The following UBAP1L variants were observed in gnomAD, a reference collection of about 807,000 sequenced individuals.
UBAP1L encodes the protein ubiquitin associated protein 1 like.
Under a neutral mutation model 32.1 loss-of-function variants are expected in UBAP1L, and 32 were observed. The ratio of observed to expected loss-of-function variants is 1.00; its 90% CI spans 0.75 to 1.34. The LOEUF is 1.34. Ranked by LOEUF, UBAP1L falls within the 40% of genes most tolerant of loss-of-function variation. The pLI, the probability that UBAP1L is intolerant of heterozygous loss-of-function variation, is 0.00. For missense variants in UBAP1L, 516 were observed against 540.5 expected (o/e 0.95, Z 0.45); for synonymous variants, 243 against 250.2 (o/e 0.97, Z 0.27).
intron 4 of UBAP1L, chr15:65,097,895 C>A (rs969844681): frequency 6.6e-6 from 1 of 152,228 alleles, no homozygotes; most frequent in African/African-American, 2.4e-5. Context: ...CGCAGGGACC[C>A]AACATTCAGT....
chr15:65,095,797 C>T (rs971382220), intron 4 of UBAP1L: 2 of 152,220 alleles, frequency 1.3e-5, no homozygotes, highest in African/African-American at 4.8e-5. Flanking sequence ...TGTCTTAGCA[C>T]AAGGAGGCTT....
intron 4 of UBAP1L, chr15:65,095,335 C>A: frequency 6.6e-6 from 1 of 152,472 alleles, no homozygotes. Flanking sequence ...TCCTGGGTGC[C>A]GTCCCTTGTG....
At chr15:65,095,359 C>G (rs1417554839) in intron 4 of UBAP1L, 1 of 152,312 alleles carries the variant, frequency 6.6e-6, no homozygotes, top group African/African-American at 2.4e-5. Context: ...CCATAGCACC[C>G]TATGCTTCCC....
At chr15:65,093,279 G>A in intron 5 of UBAP1L, 48 bp from the exon 6 acceptor site, 1 of 1,489,404 alleles carries the variant, frequency 6.7e-7, no homozygotes, top group South Asian at 1.3e-5. Flanking sequence ...GCTGGGCCTG[G>A]CCTCAGCCAT....
chr15:65,093,154 C>T lies in UBAP1L; in HGVS notation c.1089G>A (p.Leu363=), dbSNP rs1239611660. Residue 363 remains leucine (L), a synonymous_variant, in exon 6 of 6, where the codon CTG becomes CTA. Coordinates refer to ENST00000559089, the MANE Select transcript of UBAP1L (RefSeq NM_001163692.2). ...FQQDRIKEVL[L]VHGNRREQAL... ...CTTGCTCTCGGCGGTTGCCATGGAC[C>T]AGCAGCACCTCCTTGATCCGGTCCT... The T allele has an allele frequency of 1.3e-6, 2 of 1,549,810 alleles. No individual in the cohort carries two copies. Among genetic ancestry groups the T allele is most frequent in the Non-Finnish European group, 1.7e-6 (2 of 1,146,694 alleles).
intron 1 of UBAP1L, among the ~76,000 whole-genome samples, chr15:65,108,683 T>A (rs958462018): frequency 6.6e-6 from 1 of 151,934 alleles, no homozygotes; most frequent in Non-Finnish European, 1.5e-5. Context: ...AGGATGAGGC[T>A]GCAGTAAGAT....
At position 65,102,214 on chromosome 15, in the gene UBAP1L, T is replaced by G; in HGVS notation, c.591A>C (p.Ala197=). 1.6e-6 allele frequency: 2 copies of G among 1,215,148 alleles called. No homozygotes were observed. Among genetic ancestry groups the G allele is most frequent in the Non-Finnish European group, 2.0e-6 (2 of 977,070 alleles). The allele number at this position is 1,215,148 out of a possible 1,614,324, so 75.3% of individuals were successfully genotyped here. Residue 197 remains alanine, a synonymous_variant, in exon 3 of 6, where the codon GCA becomes GCC. Transcript: ENST00000559089. The surrounding 1 kb of genome is among the most constrained non-coding windows in gnomAD (Gnocchi z 5.0). The part of the protein sequence containing the change: ...CPSPAQSPRS[A]SPPGPAPQHP... ...GCTGGGGCGCGGGCCCCGGGGGTGA[T>G]GCAGACCTGGGGGACTGCGCAGGGC...
intron 3 of UBAP1L, among the ~76,000 whole-genome samples, 196 bp downstream of exon 3, chr15:65,101,910 T>G (rs976503036): frequency 3.3e-5 from 5 of 152,110 alleles, no homozygotes; most frequent in African/African-American, 1.2e-4. Context: ...AATGGGGGCT[T>G]CTGAGCAGGG....
intron 1 of UBAP1L, 112 bp from the exon 2 acceptor site, chr15:65,106,500 A>T (rs1039487353): frequency 6.0e-5 from 18 of 301,918 alleles, no homozygotes; most frequent in African/African-American, 3.0e-4. Context: ...ATGGTCCACA[A>T]AACTAGTTCT....
Position 65,102,367 on chromosome 15 carries a change from G to A in UBAP1L, c.438C>T (p.Asp146=). Residue 146 remains aspartate, a synonymous_variant, in exon 3 of 6, where the codon GAC becomes GAT. Coordinates refer to ENST00000559089, the MANE Select transcript of UBAP1L (RefSeq NM_001163692.2). This position sits in a 1 kb window ranked among gnomAD's most constrained non-coding sequence, Gnocchi z 5.0. ...PGPGRRLCSL[D]VLRGVRLELA... is the part of the protein sequence containing the mutation. ...GCTCCAACCGCACGCCGCGTAGCAC[G>A]TCCAGCGAGCACAGGCGACGGCCGG... 11 of 1,476,102 alleles carry A rather than the reference G, an allele frequency of 7.5e-6. No individual in the cohort carries two copies. Among genetic ancestry groups the A allele is most frequent in the Non-Finnish European group, 9.8e-6 (11 of 1,122,086 alleles). 91.4% of individuals were successfully genotyped at this position (1,476,102 alleles called of 1,614,324 possible).
intron 1 of UBAP1L, among the ~76,000 whole-genome samples, chr15:65,112,397 T>C (rs2087374488): frequency 6.6e-6 from 1 of 151,332 alleles, no homozygotes; most frequent in Admixed American, 6.6e-5. Flanking sequence ...TGGAATGGAG[T>C]AGGGATGTGG....
At chr15:65,109,098 A>G (rs1242452222) in intron 1 of UBAP1L, among the ~76,000 whole-genome samples, 1 of 150,388 alleles carries the variant, frequency 6.6e-6, no homozygotes, top group Non-Finnish European at 1.5e-5. Context: ...CGGAGGTTGC[A>G]GTGAGCCAAG....
In UBAP1L at chr15:65,102,760, G is replaced by A. The variant is rs1029970260; in HGVS notation, c.121-76C>T. On this transcript the variant is annotated intron_variant, in intron 2 of 5. Coordinates refer to ENST00000559089, the MANE Select transcript of UBAP1L (RefSeq NM_001163692.2). The surrounding 1 kb of genome is among the most constrained non-coding windows in gnomAD (Gnocchi z 5.0). ...CACAACACTAACCCCTGGCCTGGGG[G>A]ACCCTGTTCAGCCAGAGACTCTCTA... 6.6e-6 allele frequency: 9 copies of A among 1,361,766 alleles called. No individual in the cohort carries two copies. Among genetic ancestry groups the A allele is most frequent in the Non-Finnish European group, 8.9e-6 (9 of 1,009,688 alleles). 84.4% of individuals were successfully genotyped at this position (1,361,766 alleles called of 1,614,324 possible).
chr15:65,103,195 T>C (rs2087264106), intron 2 of UBAP1L, among the ~76,000 whole-genome samples: 1 of 152,178 alleles, frequency 6.6e-6, no homozygotes, highest in African/African-American at 2.4e-5. Context: ...CACTAATCTT[T>C]GTGGAACTCT....
chr15:65,114,142 G>A (rs1021289282), intron 1 of UBAP1L, among the ~76,000 whole-genome samples: 4 of 149,970 alleles, frequency 2.7e-5, no homozygotes, highest in Admixed American at 6.6e-5. Context: ...CCTTGGGCTC[G>A]CAAAGTGCTG....
intron 4 of UBAP1L, chr15:65,098,198 C>T (rs1018118879): frequency 1.3e-5 from 2 of 152,236 alleles, no homozygotes; most frequent in African/African-American, 4.8e-5. Flanking sequence ...AATCTACCCC[C>T]AATTCTCTTT....
Position 65,106,336 on chromosome 15 carries a change from G to A in UBAP1L, c.-121C>T. Reference sequence around the variant, plus strand: ...AATGGCCTCACTGCTCTCCTGTGTGGTCACTTAGCTGAGCCCCAAACAGCT... The same window carrying A: ...AATGGCCTCACTGCTCTCCTGTGTGATCACTTAGCTGAGCCCCAAACAGCT... On this transcript the variant is annotated 5_prime_UTR_variant, in exon 2 of 6. Transcript: ENST00000559089. 2.4e-6 allele frequency: 3 copies of A among 1,236,852 alleles called. No individual in the cohort carries two copies. The highest frequency in any genetic ancestry group is 2.2e-6 in the Non-Finnish European group (2 of 930,104). 76.6% of individuals were successfully genotyped at this position (1,236,852 alleles called of 1,614,324 possible).
chr15:65,102,685 C>G lies in UBAP1L; in HGVS notation c.121-1G>C. ...CCGTCCTCTCCAGGCTGAAGTCGTG[C>G]TGCGGAAAGAAGGCGACGTAAAGCC... is the stretch of plus-strand genomic sequence containing the variant. On this transcript the variant is annotated splice_acceptor_variant, in intron 2 of 5. Coordinates refer to ENST00000559089, the MANE Select transcript of UBAP1L (RefSeq NM_001163692.2). LOFTEE classifies it high-confidence loss of function. This position sits in a 1 kb window ranked among gnomAD's most constrained non-coding sequence, Gnocchi z 5.0. The G allele has an allele frequency of 6.5e-7, 1 of 1,545,922 alleles. No homozygotes were observed. The highest frequency in any genetic ancestry group is 8.7e-7 in the Non-Finnish European group (1 of 1,146,480).
At chr15:65,096,660 C>T (rs1188113827) in intron 4 of UBAP1L, 1 of 152,246 alleles carries the variant, frequency 6.6e-6, no homozygotes, top group East Asian at 1.9e-4. Context: ...TCACTGGTTC[C>T]AAACACGTAT....
Sources: gnomAD v4.1 joint callset for allele counts (sites outside exome capture counted in the v4.1 genomes callset) on GRCh38, gnomAD v4.1.1 for gene constraint, Gnocchi (gnomAD v3.1) non-coding constraint, MANE v1.5 for transcripts, NCBI Gene and HGNC (gene_info 2026-07-23, HGNC 2026-07-21) for gene names.